Variants in DDC observed in about 807,000 individuals in gnomAD.
DDC encodes the protein dopa decarboxylase.
A neutral mutation model predicts 60.0 loss-of-function variants in DDC; 43 were observed. The observed-to-expected ratio is 0.72, with a 90% CI of 0.56 to 0.92. The LOEUF is 0.92. DDC is among the 40% of genes least tolerant of loss of function. DDC has a pLI of 0.00. For synonymous variants in DDC, 232 were observed against 234.6 expected (o/e 0.99, Z 0.10); for missense variants, 573 against 620.2 (o/e 0.92, Z 0.81).
At chr7:50,546,093 G>A (rs1392974151) in intron 1 of DDC, among the ~76,000 whole-genome samples, 1 of 152,128 alleles carries the variant, frequency 6.6e-6, no homozygotes, top group Non-Finnish European at 1.5e-5. Context: ...ATTTTCCCAT[G>A]GGAGTTAAGT....
rs769369623 is a variant in DDC, at chr7:50,543,899, T to A, written c.187A>T (p.Ile63Leu). Residue 63 changes from isoleucine (I) to leucine (L), a missense_variant, in exon 2 of 15, where the codon ATA (isoleucine) becomes TTA (leucine). By Grantham distance (5) the Ile-to-Leu change is conservative. Transcript: ENST00000444124. ...FEDIINDVEK[I>L]IMPGVTHWHS... is the part of the protein sequence containing the mutation. The stretch of plus-strand genomic sequence containing the variant: ...TACACACTTACCCCAGGCATGATTA[T>A]CTTCTCAACGTCGTTGATGATGTCC... 4 of 1,614,128 alleles carry A rather than the reference T, an allele frequency of 2.5e-6. No homozygotes were observed. The Admixed American group carries it at 6.7e-5, about 27-fold the overall frequency.
At chr7:50,462,226 C>CAAAAAAAAAAAAAGAA (rs2042290739) in intron 14 of DDC, among the ~76,000 whole-genome samples, 1 of 75,380 alleles carries the variant, frequency 1.3e-5, no homozygotes, top group Non-Finnish European at 2.4e-5. Flanking sequence ...GACAAAAAGA[C>CAAAAAAAAAAAAAGAA]AAAAAAAAAA....
At chr7:50,553,943 C>T (rs1457674024) in intron 1 of DDC, among the ~76,000 whole-genome samples, 1 of 152,156 alleles carries the variant, frequency 6.6e-6, no homozygotes, top group African/African-American at 2.4e-5. Context: ...CTCAAAAAAA[C>T]ATCCTCTAAG....
chr7:50,484,888 C>T (rs1407011573), intron 9 of DDC, among the ~76,000 whole-genome samples: 1 of 152,182 alleles, frequency 6.6e-6, no homozygotes, highest in Non-Finnish European at 1.5e-5. Context: ...ACATGACCTC[C>T]TGGTCCCAAT....
chr7:50,496,591 A>G (rs2043132383), intron 8 of DDC, among the ~76,000 whole-genome samples: 1 of 152,194 alleles, frequency 6.6e-6, no homozygotes, highest in African/African-American at 2.4e-5. Flanking sequence ...CTGAGCTGTC[A>G]TAAATGGTGC....
At chr7:50,473,152 A>G (rs952207603) in intron 11 of DDC, among the ~76,000 whole-genome samples, 7 of 152,206 alleles carry the variant, frequency 4.6e-5, no homozygotes, top group Non-Finnish European at 2.9e-5. Flanking sequence ...ATGCCGGGAA[A>G]TACGGCCAGG....
At chr7:50,502,852 G>A (rs1231458588) in intron 7 of DDC, among the ~76,000 whole-genome samples, 4 of 152,046 alleles carry the variant, frequency 2.6e-5, no homozygotes, top group African/African-American at 9.7e-5. Flanking sequence ...CACAAGTGGG[G>A]TTTTTCTCTT....
At chr7:50,460,377 G>C (rs1320597823) in intron 14 of DDC, among the ~76,000 whole-genome samples, 37 of 147,174 alleles carry the variant, frequency 2.5e-4, no homozygotes, top group East Asian at 8.2e-4. Flanking sequence ...TCAGCCCCCC[G>C]CCCGGCCAGC....
chr7:50,538,051 G>A, intron 3 of DDC, 72 bp from the exon 4 acceptor site: 2 of 1,583,244 alleles, frequency 1.3e-6, no homozygotes, highest in South Asian at 2.2e-5. Context: ...CAGTAACAAG[G>A]GGATTTAACC....
Position 50,562,298 on chromosome 7 carries a change from G to A in DDC, c.-29+2987C>T, listed in dbSNP as rs1367702264. ...CAGCTCCCTCCAGCAGCCGTGCAGG[G>A]ACCTGCAGGCAGCAGCCATGTGGAC... On this transcript the variant is annotated intron_variant, in intron 1 of 14. Transcript: ENST00000444124. 3.3e-5 allele frequency among the ~76,000 whole-genome samples: 5 copies of A among 152,204 alleles called. No homozygotes were observed. The East Asian group carries it at 9.6e-4, about 29-fold the overall frequency.
At chr7:50,553,460 T>TTTTTC (rs1217174200) in intron 1 of DDC, among the ~76,000 whole-genome samples, 6 of 150,706 alleles carry the variant, frequency 4.0e-5, no homozygotes, top group African/African-American at 9.7e-5. Context: ...CTGCTTTCTT[T>TTTTTC]TTTTCTTTTC....
At chr7:50,482,555 G>C (rs2042793268) in intron 9 of DDC, among the ~76,000 whole-genome samples, 1 of 152,080 alleles carries the variant, frequency 6.6e-6, no homozygotes, top group African/African-American at 2.4e-5. Context: ...TATTTAAGGA[G>C]GCAACTTCCT....
intron 6 of DDC, among the ~76,000 whole-genome samples, chr7:50,512,065 T>C (rs1258182914): frequency 6.6e-6 from 1 of 151,864 alleles, no homozygotes; most frequent in East Asian, 1.9e-4. Flanking sequence ...AAATTAAAAT[T>C]AAAATAATTA....
chr7:50,460,151 C>T (rs2042233471), intron 14 of DDC, among the ~76,000 whole-genome samples: 2 of 143,944 alleles, frequency 1.4e-5, no homozygotes, highest in South Asian at 4.4e-4. Context: ...AGGAGCCCCT[C>T]TGCCTGGCCA....
At position 50,463,261 on chromosome 7, in the gene DDC, C is replaced by T. The variant is rs528137159; in HGVS notation, c.1413G>A (p.Ala471=). Residue 471 remains alanine, a synonymous_variant, in exon 14 of 15, where the codon GCG becomes GCA. Transcript: ENST00000444124. The part of the protein sequence containing the change: ...QRAWEHIKEL[A]ADVLRAERE Reference sequence around the variant, plus strand: ...CCCTCTCTGCTCGCAGCACGTCGGCCGCCAGCTCTTTGATGTGTTCCCAGG... The same window carrying T: ...CCCTCTCTGCTCGCAGCACGTCGGCTGCCAGCTCTTTGATGTGTTCCCAGG... 1.7e-5 allele frequency: 27 copies of T among 1,614,024 alleles called. No individual in the cohort carries two copies. Among genetic ancestry groups the T allele is most frequent in the Admixed American group, 1.0e-4 (6 of 60,000 alleles).
chr7:50,469,589 G>A (rs548046535), intron 12 of DDC, among the ~76,000 whole-genome samples: 41 of 152,322 alleles, frequency 2.7e-4, no homozygotes, highest in African/African-American at 9.1e-4. Flanking sequence ...CTGATAACCT[G>A]CAATCTTAAC....
At chr7:50,547,088 A>G (rs2044831724) in intron 1 of DDC, among the ~76,000 whole-genome samples, 1 of 152,222 alleles carries the variant, frequency 6.6e-6, no homozygotes, top group Non-Finnish European at 1.5e-5. Flanking sequence ...GAAGTATTTC[A>G]AATTAATATG....
intron 9 of DDC, among the ~76,000 whole-genome samples, chr7:50,494,121 T>G (rs572410255): frequency 1.3e-5 from 2 of 152,348 alleles, no homozygotes; most frequent in African/African-American, 4.8e-5. Context: ...CATTATTTCT[T>G]TAAACATTGT....
chr7:50,559,087 T>C (rs2045273358), intron 1 of DDC, among the ~76,000 whole-genome samples: 1 of 152,210 alleles, frequency 6.6e-6, no homozygotes. Context: ...AGGGCAGCAG[T>C]GTAAGCCCTT....
Sources: allele counts gnomAD v4.1 joint callset (sites outside exome capture counted in the v4.1 genomes callset), GRCh38; gene constraint gnomAD v4.1.1; transcripts MANE v1.5; gene names NCBI Gene and HGNC (gene_info 2026-07-23, HGNC 2026-07-21).